The following ADAMTSL1 variants were observed in gnomAD, a reference collection of about 807,000 sequenced individuals.
ADAMTSL1 encodes the protein ADAMTS-like protein 1.
Under a neutral mutation model 201.8 loss-of-function variants are expected in ADAMTSL1, and 126 were observed. That is an observed-to-expected ratio of 0.62 (90% confidence interval 0.54 to 0.72). ADAMTSL1 has a LOEUF of 0.72. Ranked by LOEUF, ADAMTSL1 falls within the 30% of genes least tolerant of loss-of-function variation. The pLI, the probability that ADAMTSL1 is intolerant of heterozygous loss-of-function variation, is 0.00. For missense variants in ADAMTSL1, 2,679 were observed against 2,277.8 expected (o/e 1.18, Z -3.59); for synonymous variants, 1,121 against 903.4 (o/e 1.24, Z -4.32).
chr9:18,724,909 C>CTTTTTTTTTT (rs11403576), intron 15 of ADAMTSL1, among the ~76,000 whole-genome samples: 3 of 148,440 alleles, frequency 2.0e-5, no homozygotes, highest in African/African-American at 4.9e-5. Flanking sequence ...AGGATTGAAC[C>CTTTTTTTTTT]TTTTTTTTTT....
chr9:18,661,760 A>T (rs755276522), intron 8 of ADAMTSL1, among the ~76,000 whole-genome samples, 175 bp from the exon 9 acceptor site: 1 of 152,232 alleles, frequency 6.6e-6, no homozygotes, highest in Non-Finnish European at 1.5e-5. Flanking sequence ...TGAGAAAAGC[A>T]CAGTACTTGA....
rs1349278246 is a variant in ADAMTSL1 at position 18,777,736 on chromosome 9, G to C, written c.3507G>C (p.Lys1169Asn). 6.2e-7 allele frequency: 1 copy of C among 1,613,694 alleles called. No individual in the cohort carries two copies. The highest frequency in any genetic ancestry group is 1.7e-5 in the Admixed American group (1 of 60,012). Reference protein sequence around the residue: ...RPHRKPTILRKISAAQQLSAS... With the variant: ...RPHRKPTILRNISAAQQLSAS... ...ACCGCAAGCCCACCATCCTGCGCAA[G>C]ATCTCAGCGGCCCAGCAGCTCTCAG... is the stretch of plus-strand genomic sequence containing the variant. The change falls in exon 19 of 29, where the codon AAG (lysine) becomes AAC (asparagine). Residue 1169 changes from lysine to asparagine, a missense_variant. Physicochemically the swap from Lys to Asn is moderately conservative, Grantham distance 94. Transcript: ENST00000380548.
intron 7 of ADAMTSL1, among the ~76,000 whole-genome samples, chr9:18,646,703 C>G (rs895587431): frequency 4.0e-5 from 6 of 151,778 alleles, no homozygotes; most frequent in African/African-American, 1.2e-4. Flanking sequence ...TATTGATTTG[C>G]ATATATTGAA....
chr9:18,181,233 C>G (rs1271087440), intron 2 of ADAMTSL1, among the ~76,000 whole-genome samples: 1 of 152,186 alleles, frequency 6.6e-6, no homozygotes, highest in African/African-American at 2.4e-5. Flanking sequence ...TGGGCAAGGA[C>G]TTCATGTCTA....
At chr9:17,983,163 T>C (rs903853221) in intron 1 of ADAMTSL1, among the ~76,000 whole-genome samples, 42 of 144,968 alleles carry the variant, frequency 2.9e-4, no homozygotes, top group African/African-American at 1.1e-3. Context: ...TCCAGCCTCC[T>C]GGGTTCAAGC....
chr9:18,507,827 T>G (rs1054246212), intron 2 of ADAMTSL1, among the ~76,000 whole-genome samples: 8 of 152,190 alleles, frequency 5.3e-5, no homozygotes, highest in Non-Finnish European at 1.0e-4. Flanking sequence ...GGGCCCTTTG[T>G]GGATACTAGT....
At chr9:18,729,944 G>A (rs983874198) in intron 15 of ADAMTSL1, among the ~76,000 whole-genome samples, 9 of 152,218 alleles carry the variant, frequency 5.9e-5, no homozygotes, top group African/African-American at 1.4e-4. Context: ...TGTGGATATG[G>A]TGATGAAACA....
chr9:18,219,560 G>C (rs1029577863), intron 2 of ADAMTSL1, among the ~76,000 whole-genome samples: 1 of 151,812 alleles, frequency 6.6e-6, no homozygotes, highest in Non-Finnish European at 1.5e-5. Flanking sequence ...GTAGAGACAG[G>C]GTTTCACCAC....
chr9:17,963,626 C>A (rs1817847430), intron 1 of ADAMTSL1, among the ~76,000 whole-genome samples: 1 of 152,116 alleles, frequency 6.6e-6, no homozygotes, highest in Non-Finnish European at 1.5e-5. Flanking sequence ...ATTCTGGAAG[C>A]CTGAGTTCTA....
chr9:18,034,786 A>AT (rs2131616710), intron 1 of ADAMTSL1, among the ~76,000 whole-genome samples: 1 of 152,124 alleles, frequency 6.6e-6, no homozygotes, highest in African/African-American at 2.4e-5. Flanking sequence ...ATTTTTCTCC[A>AT]TTTTTGACAC....
rs778195646 is a variant in ADAMTSL1 at position 18,908,479 on chromosome 9, G to C, written c.5220G>C (p.Val1740=). The change falls in exon 29 of 29, where the codon GTG becomes GTC. Residue 1740 remains valine (V), a synonymous_variant. Coordinates refer to ENST00000380548, the MANE Select transcript of ADAMTSL1 (RefSeq NM_001040272.6). The stretch of plus-strand genomic sequence containing the variant: ...ACACCACCAGGTACTGCGAGAAGGT[G>C]AAACAGCTGAAACTCTGCCAACTCA... ...CRDTTRYCEK[V]KQLKLCQLSQ... is the part of the protein sequence containing the mutation. The C allele has an allele frequency of 1.9e-6, 3 of 1,563,620 alleles. No homozygotes were observed. The highest frequency in any genetic ancestry group is 2.6e-6 in the Non-Finnish European group (3 of 1,154,126).
chr9:17,995,112 G>A (rs1033178682), intron 1 of ADAMTSL1, among the ~76,000 whole-genome samples: 9 of 152,238 alleles, frequency 5.9e-5, no homozygotes, highest in Admixed American at 4.6e-4. Context: ...GAGAATGGGA[G>A]GCAGAAGTTA....
chr9:18,637,953 C>T (rs1827202630), intron 6 of ADAMTSL1, among the ~76,000 whole-genome samples: 1 of 152,100 alleles, frequency 6.6e-6, no homozygotes, highest in Non-Finnish European at 1.5e-5. Flanking sequence ...TAATTGATGT[C>T]CTAGAAATAT....
chr9:17,927,049 C>G (rs771362374), intron 1 of ADAMTSL1, among the ~76,000 whole-genome samples: 1 of 152,172 alleles, frequency 6.6e-6, no homozygotes, highest in Non-Finnish European at 1.5e-5. Flanking sequence ...TAGCCACGAA[C>G]AACTCCTCGT....
intron 2 of ADAMTSL1, among the ~76,000 whole-genome samples, chr9:18,282,724 C>T (rs1301245666): frequency 1.3e-5 from 2 of 152,096 alleles, no homozygotes; most frequent in Admixed American, 1.3e-4. Flanking sequence ...ATGGAGAAAC[C>T]CCATCTCTAC....
intron 12 of ADAMTSL1, among the ~76,000 whole-genome samples, chr9:18,682,464 T>C (rs1830563076): frequency 6.6e-6 from 1 of 152,132 alleles, no homozygotes; most frequent in South Asian, 2.1e-4. Context: ...TTAAAATATA[T>C]CAGAATTTAA....
chr9:18,903,187 C>G (rs1830107355), intron 26 of ADAMTSL1, among the ~76,000 whole-genome samples: 1 of 151,686 alleles, frequency 6.6e-6, no homozygotes, highest in South Asian at 2.1e-4. Context: ...GATTCTGTCT[C>G]AAAACAAAAA....
chr9:18,135,399 TA>T (rs542871779), intron 1 of ADAMTSL1, among the ~76,000 whole-genome samples: 15 of 152,232 alleles, frequency 9.9e-5, no homozygotes, highest in East Asian at 1.9e-4. Flanking sequence ...GTAAAATGCT[TA>T]AAAAAATATA....
intron 1 of ADAMTSL1, among the ~76,000 whole-genome samples, chr9:18,069,891 A>G (rs1822880606): frequency 6.6e-6 from 1 of 152,190 alleles, no homozygotes; most frequent in African/African-American, 2.4e-5. Flanking sequence ...TATTTAGAAC[A>G]TATATTATGG....
Sources: allele counts gnomAD v4.1 joint callset (sites outside exome capture counted in the v4.1 genomes callset), GRCh38; gene constraint gnomAD v4.1.1; transcripts MANE v1.5; gene names NCBI Gene and HGNC (gene_info 2026-07-23, HGNC 2026-07-21).